Variants in PPARGC1B observed in about 807,000 individuals in gnomAD.
The protein encoded by PPARGC1B is peroxisome proliferator-activated receptor gamma coactivator 1-beta.
PPARGC1B carries 34 observed loss-of-function variants against 101.6 expected under a neutral mutation model. That is an observed-to-expected ratio of 0.33 (90% CI 0.25 to 0.45). The LOEUF is 0.45. PPARGC1B is among the 20% of genes least tolerant of loss of function. The pLI is 1.00. For synonymous variants in PPARGC1B, 548 were observed against 539.3 expected, an observed-to-expected ratio of 1.02 and a Z score of -0.22; for missense variants, 1,234 against 1,317.6, an observed-to-expected ratio of 0.94 and a Z score of 0.98.
Position 149,852,449 on chromosome 5 carries a change from C to T in PPARGC1B, c.*4891C>T, listed in dbSNP as rs571686479. 6.6e-6 allele frequency: 1 copy of T among 152,318 alleles called. No homozygotes were observed. 9.4% of individuals were successfully genotyped at this position (152,318 alleles called of 1,614,324 possible). On this transcript the variant is annotated 3_prime_UTR_variant, in exon 12 of 12. Transcript: ENST00000309241. ...AGCTCCTGTTCAGGGTGAGGGTTCT[C>T]TGCAAGAACCAACCAGCAGTAGGTT...
At position 149,845,797 on chromosome 5, in the gene PPARGC1B, G is replaced by C; in HGVS notation, c.2854G>C (p.Glu952Gln). The change falls in exon 11 of 12, where the codon GAG becomes CAG. Residue 952 changes from glutamate to glutamine, a missense_variant. Physicochemically the swap from Glu to Gln is conservative, Grantham distance 29 (BLOSUM62 2). This residue lies in a region of PPARGC1B where 497 missense variants were observed against 529.5 expected (regional missense o/e 0.94). Coordinates refer to ENST00000309241, the MANE Select transcript of PPARGC1B (RefSeq NM_133263.4). ...CGGCTTCATCACCTACCGGTGTTCTGAGCACGCGGCCCTCTCTTTGACAAA... is the reference window on the plus strand; with the variant it reads ...CGGCTTCATCACCTACCGGTGTTCTCAGCACGCGGCCCTCTCTTTGACAAA... ...KYGFITYRCS[E>Q]HAALSLTKGA... The C allele has an allele frequency of 6.2e-7, 1 of 1,613,836 alleles. No individual in the cohort carries two copies. Among genetic ancestry groups the C allele is most frequent in the Non-Finnish European group, 8.5e-7 (1 of 1,179,764 alleles).
At chr5:149,841,627 G>A (rs1260768563) in intron 9 of PPARGC1B, among the ~76,000 whole-genome samples, 1 of 152,172 alleles carries the variant, frequency 6.6e-6, no homozygotes, top group Non-Finnish European at 1.5e-5. Flanking sequence ...TTGTCCAATA[G>A]CAGTGGCTTC....
intron 1 of PPARGC1B, among the ~76,000 whole-genome samples, chr5:149,755,052 C>CATATAT (rs1199839991): frequency 0.047 from 5,145 of 108,764 alleles, 152 homozygotes; most frequent in Non-Finnish European, 0.061. Flanking sequence ...TATACATATA[C>CATATAT]ATATATATAT....
Position 149,754,774 on chromosome 5 carries a change from A to ATTT in PPARGC1B, c.78+24378_78+24380dup, listed in dbSNP as rs10560122. 7.3e-5 allele frequency among the ~76,000 whole-genome samples: 5 copies of ATTT among 68,408 alleles called. No individual in the cohort carries two copies. In the Admixed American group the frequency reaches 9.6e-4, roughly 13 times the overall value. 44.9% of individuals were successfully genotyped at this position (68,408 alleles called of 152,430 possible). A position where few individuals can be genotyped will look rare whatever the true frequency, so the allele number is the denominator to read the frequency against. On this transcript the variant is annotated intron_variant, in intron 1 of 11. Coordinates refer to ENST00000309241, the MANE Select transcript of PPARGC1B (RefSeq NM_133263.4). Reference sequence around the variant, plus strand: ...CTGCAGTTTCTTCCAGAGCATCCTGATTTTTTTTTTTTTTTTTTTTTTTTT... The same window carrying ATTT: ...CTGCAGTTTCTTCCAGAGCATCCTGATTTTTTTTTTTTTTTTTTTTTTTTTTTT...
At chr5:149,829,496 G>A (rs1480548788) in intron 3 of PPARGC1B, among the ~76,000 whole-genome samples, 1 of 152,062 alleles carries the variant, frequency 6.6e-6, no homozygotes, top group Non-Finnish European at 1.5e-5. Flanking sequence ...GAGTGACTTG[G>A]GGTGGCATGT....
chr5:149,776,063 C>A (rs1437261256), intron 1 of PPARGC1B, among the ~76,000 whole-genome samples: 1 of 152,166 alleles, frequency 6.6e-6, no homozygotes, highest in East Asian at 1.9e-4. Context: ...TCTGCCATAC[C>A]AAGATACCAC....
chr5:149,813,541 G>A (rs1757939153), intron 1 of PPARGC1B, among the ~76,000 whole-genome samples: 1 of 152,174 alleles, frequency 6.6e-6, no homozygotes, highest in Non-Finnish European at 1.5e-5. Flanking sequence ...TAGAACTGAG[G>A]ATATGGGTCA....
chr5:149,855,759 A>G (rs531866552), downstream of PPARGC1B, among the ~76,000 whole-genome samples: 2 of 152,176 alleles, frequency 1.3e-5, no homozygotes, highest in East Asian at 1.9e-4. Context: ...CTTTAACTTT[A>G]TTTTTAAATG....
chr5:149,737,450 C>A (rs1465081171), intron 1 of PPARGC1B, among the ~76,000 whole-genome samples: 1 of 152,150 alleles, frequency 6.6e-6, no homozygotes, highest in Admixed American at 6.5e-5. Context: ...CTTCCTTCTC[C>A]ATTTCCATGA....
chr5:149,844,714 G>A (rs1157907743), intron 10 of PPARGC1B, among the ~76,000 whole-genome samples: 2 of 152,220 alleles, frequency 1.3e-5, no homozygotes, highest in Non-Finnish European at 2.9e-5. Context: ...CAGGAAACAT[G>A]ATTCACGTAA....
intron 1 of PPARGC1B, among the ~76,000 whole-genome samples, chr5:149,760,791 A>G (rs1755690237): frequency 6.6e-6 from 1 of 152,142 alleles, no homozygotes; most frequent in Non-Finnish European, 1.5e-5. Context: ...AATTTGCCCC[A>G]AGGTATAGCA....
intron 1 of PPARGC1B, among the ~76,000 whole-genome samples, chr5:149,801,337 G>T (rs1396145960): frequency 6.6e-6 from 1 of 152,150 alleles, no homozygotes; most frequent in Non-Finnish European, 1.5e-5. Context: ...TATATGATCT[G>T]CAAGCTCAAA....
chr5:149,769,320 C>T lies in PPARGC1B; in HGVS notation c.78+38900C>T, dbSNP rs182605974. On this transcript the variant is annotated intron_variant, in intron 1 of 11. Transcript: ENST00000309241. ...GTGTGGCCCGGTTCCTAACAGGCCA[C>T]GGACTTGTACCGGTTCGTGGCCTGA... Among the ~76,000 whole-genome samples the T allele has an allele frequency of 7.3e-3, 1,110 of 152,298 alleles. 18 individuals are homozygous for T. Among genetic ancestry groups the T allele is most frequent in the Non-Finnish European group, 5.7e-3 (389 of 68,038 alleles).
In PPARGC1B at chr5:149,840,042, T is replaced by C. The variant is rs2113430858; in HGVS notation, c.2620T>C (p.Cys874Arg). The C allele has an allele frequency of 6.2e-7, 1 of 1,613,916 alleles. No individual in the cohort carries two copies. Among genetic ancestry groups the C allele is most frequent in the East Asian group, 2.2e-5 (1 of 44,860 alleles). Residue 874 changes from cysteine (C) to arginine (R), a missense_variant and splice_region_variant, in exon 9 of 12, where the codon TGT (cysteine) becomes CGT (arginine). Around this residue, in one of 3 missense-constraint regions of PPARGC1B, gnomAD observed 497 missense variants for 529.5 expected, o/e 0.94. Transcript: ENST00000309241. ...WSPATRRNFR[C>R]ESRGPCSDRT... is the part of the protein sequence containing the mutation. ...TCTGCTTTGCTTGTTCACTGACAGA[T>C]GTGAGAGCAGAGGGCCGTGTTCAGA...
chr5:149,774,535 C>T (rs927578750), intron 1 of PPARGC1B, among the ~76,000 whole-genome samples: 1 of 151,982 alleles, frequency 6.6e-6, no homozygotes, highest in African/African-American at 2.4e-5. Context: ...CACATCCGAG[C>T]ATTAGCGGGG....
chr5:149,832,623 T>C lies in PPARGC1B; in HGVS notation c.583-33T>C. 2 of 1,496,478 alleles carry C rather than the reference T, an allele frequency of 1.3e-6. No homozygotes were observed. Among genetic ancestry groups the C allele is most frequent in the Non-Finnish European group, 1.8e-6 (2 of 1,115,906 alleles). 92.7% of individuals were successfully genotyped at this position (1,496,478 alleles called of 1,614,324 possible). A position where few individuals can be genotyped will look rare whatever the true frequency, so the allele number is the denominator to read the frequency against. On this transcript the variant is annotated intron_variant, in intron 4 of 11. Coordinates refer to ENST00000309241, the MANE Select transcript of PPARGC1B (RefSeq NM_133263.4). The surrounding 1 kb of genome is among the most constrained non-coding windows in gnomAD (Gnocchi z 4.9). ...GACACATGGGAGGAGTGTTTGGGCC[T>C]CCTTCCTCACTCTGGCCTCTCTCCC...
chr5:149,818,993 C>A (rs751834821), intron 1 of PPARGC1B: 5 of 406,878 alleles, frequency 1.2e-5, no homozygotes, highest in South Asian at 3.7e-5. Context: ...CTGTGTCAGC[C>A]CCCCAACTCA....
Position 149,730,784 on chromosome 5 carries a change from T to C in PPARGC1B, c.78+364T>C, listed in dbSNP as rs1754426952. The stretch of plus-strand genomic sequence containing the variant: ...GGCGCTGGGTGCTGGAGGCGCGCCG[T>C]CAGCGCCCGGCACTTGCTGCCGTAC... On this transcript the variant is annotated intron_variant, in intron 1 of 11. Coordinates refer to ENST00000309241, the MANE Select transcript of PPARGC1B (RefSeq NM_133263.4). The surrounding 1 kb of genome is among the most constrained non-coding windows in gnomAD (Gnocchi z 4.0). 3.9e-5 allele frequency among the ~76,000 whole-genome samples: 6 copies of C among 152,248 alleles called. 1 individual carries two copies. The highest frequency in any genetic ancestry group is 3.4e-3 in the Middle Eastern group (1 of 294).
At chr5:149,821,648 C>T (rs934608159) in intron 2 of PPARGC1B, among the ~76,000 whole-genome samples, 9 of 152,130 alleles carry the variant, frequency 5.9e-5, no homozygotes, top group African/African-American at 9.7e-5. Context: ...GGTGGTGTGC[C>T]GCAAGCGTCC....
Sources: gnomAD v4.1 joint callset for allele counts (sites outside exome capture counted in the v4.1 genomes callset) on GRCh38, gnomAD v4.1.1 for gene constraint, gnomAD v4.1.1 regional missense constraint, Gnocchi (gnomAD v3.1) non-coding constraint, MANE v1.5 for transcripts, NCBI Gene and HGNC (gene_info 2026-07-23, HGNC 2026-07-21) for gene names.